DIP2C: variants seen among roughly 807,000 people sequenced by gnomAD.
DIP2C encodes the protein DIP2 acetate--CoA ligase C (putative).
DIP2C carries 33 observed loss-of-function variants against 192.4 expected under a neutral mutation model. The ratio of observed to expected loss-of-function variants is 0.17; its 90% CI spans 0.13 to 0.23. The LOEUF is 0.23. Ranked by LOEUF, DIP2C falls within the 10% of genes least tolerant of loss-of-function variation. DIP2C has a pLI of 1.00. For synonymous variants in DIP2C, 979 were observed against 864.1 expected, an observed-to-expected ratio of 1.13 and a Z score of -2.33; for missense variants, 1,537 against 2,110.1, an observed-to-expected ratio of 0.73 and a Z score of 5.32.
chr10:584,665 G>A (rs1269355139), intron 1 of DIP2C, among the ~76,000 whole-genome samples: 31 of 76,398 alleles, frequency 4.1e-4, no homozygotes, highest in African/African-American at 1.4e-3. Context: ...CTCGGGGCCC[G>A]CAACCTGACC....
intron 1 of DIP2C, among the ~76,000 whole-genome samples, chr10:514,256 T>G (rs915003171): frequency 6.6e-5 from 10 of 152,008 alleles, no homozygotes; most frequent in African/African-American, 2.2e-4. Context: ...ACACAGTGCA[T>G]TATCGACTCA....
chr10:563,498 T>A (rs1160279866), intron 1 of DIP2C, among the ~76,000 whole-genome samples: 1 of 152,312 alleles, frequency 6.6e-6, no homozygotes, highest in East Asian at 1.9e-4. Flanking sequence ...TAGCTAGGCA[T>A]ACAGTGTACG....
intron 6 of DIP2C, among the ~76,000 whole-genome samples, chr10:418,148 TG>T (rs1965907044): frequency 2.0e-5 from 1 of 49,134 alleles, no homozygotes; most frequent in Non-Finnish European, 3.5e-5. Context: ...CACCTGCACC[TG>T]TCAGAGCTCG....
chr10:397,385 C>T (rs1301558026), intron 10 of DIP2C, among the ~76,000 whole-genome samples: 2 of 152,180 alleles, frequency 1.3e-5, no homozygotes, highest in Admixed American at 1.3e-4. Flanking sequence ...CAAAAATTAG[C>T]CGGGTGTGGT....
chr10:435,020 G>A (rs1250753441), intron 4 of DIP2C, among the ~76,000 whole-genome samples: 4 of 152,138 alleles, frequency 2.6e-5, no homozygotes, highest in Non-Finnish European at 4.4e-5. Flanking sequence ...CTGAATCTAT[G>A]GTTTGGTGTC....
chr10:458,822 C>T (rs1191750116), intron 3 of DIP2C, among the ~76,000 whole-genome samples: 8 of 151,868 alleles, frequency 5.3e-5, no homozygotes, highest in African/African-American at 1.7e-4. Context: ...CCTGACTCAC[C>T]GGCAGGGCAC....
At chr10:618,398 T>C (rs916050526) in intron 1 of DIP2C, among the ~76,000 whole-genome samples, 9 of 152,214 alleles carry the variant, frequency 5.9e-5, no homozygotes, top group Non-Finnish European at 1.0e-4. Context: ...CCCAGGCCCC[T>C]GAGCCGGACG....
intron 1 of DIP2C, among the ~76,000 whole-genome samples, chr10:637,387 G>T (rs1018175292): frequency 6.6e-6 from 1 of 152,210 alleles, no homozygotes; most frequent in Non-Finnish European, 1.5e-5. Flanking sequence ...GGCTGGGCGG[G>T]GGCTGACAAG....
At chr10:509,010 T>C (rs1845828916) in intron 1 of DIP2C, among the ~76,000 whole-genome samples, 1 of 152,138 alleles carries the variant, frequency 6.6e-6, no homozygotes, top group African/African-American at 2.4e-5. Context: ...CTTCAGCCTG[T>C]CCTCGCTAGA....
chr10:414,739 G>GTGTGTGTGTGTGTATA lies in DIP2C; in HGVS notation c.860-630_860-629insTATACACACACACACA. Among the ~76,000 whole-genome samples, 16 of 90,538 alleles carry GTGTGTGTGTGTGTATA rather than the reference G, an allele frequency of 1.8e-4. 1 individual carries two copies. The highest frequency in any genetic ancestry group is 3.5e-4 in the Admixed American group (3 of 8,526). The allele number at this position is 90,538 out of a possible 152,430, so 59.4% of individuals were successfully genotyped here. A position where few individuals can be genotyped will look rare whatever the true frequency, so the allele number is the denominator to read the frequency against. On this transcript the variant is annotated intron_variant, in intron 7 of 36. Coordinates refer to ENST00000280886, the MANE Select transcript of DIP2C (RefSeq NM_014974.3). ...TGTGTGTGTGTGTGTGTGTGTGTGT[G>GTGTGTGTGTGTGTATA]TACATATATATATATATAATGTGTA...
chr10:408,568 A>T (rs1247917535), intron 9 of DIP2C, among the ~76,000 whole-genome samples: 1 of 152,200 alleles, frequency 6.6e-6, no homozygotes, highest in African/African-American at 2.4e-5. Context: ...TGATGTCTTT[A>T]TGTAATTCAC....
At chr10:382,841 G>GGCCGGGCGCGGTGGCTC in intron 16 of DIP2C, 80 bp from the exon 17 acceptor site, 1 of 1,033,166 alleles carries the variant, frequency 9.7e-7, no homozygotes, top group East Asian at 2.6e-5. Flanking sequence ...AAATAGTTCC[G>GGCCGGGCGCGGTGGCTC]AAGGTGGGAT....
At chr10:335,723 T>G (rs368171875) in intron 29 of DIP2C, among the ~76,000 whole-genome samples, 1 of 152,204 alleles carries the variant, frequency 6.6e-6, no homozygotes. Flanking sequence ...TCACCATCAC[T>G]GAGGTTTGCC....
Position 636,642 on chromosome 10 carries a change from T to C in DIP2C, c.85+52852A>G, listed in dbSNP as rs1854859672. 6.6e-6 allele frequency among the ~76,000 whole-genome samples: 1 copy of C among 152,250 alleles called. No homozygotes were observed. The highest frequency in any genetic ancestry group is 1.5e-5 in the Non-Finnish European group (1 of 68,044). ...TTCTCCCGAAAACGTCTTTTCTATCTGGGCCACACACTGCGCCGAGTGACT... is the reference window on the plus strand; with the variant it reads ...TTCTCCCGAAAACGTCTTTTCTATCCGGGCCACACACTGCGCCGAGTGACT... On this transcript the variant is annotated intron_variant, in intron 1 of 36. Coordinates refer to ENST00000280886, the MANE Select transcript of DIP2C (RefSeq NM_014974.3). This position sits in a 1 kb window ranked among gnomAD's most constrained non-coding sequence, Gnocchi z 4.6.
intron 1 of DIP2C, among the ~76,000 whole-genome samples, chr10:580,815 A>G (rs1402644168): frequency 1.3e-5 from 2 of 152,204 alleles, no homozygotes; most frequent in African/African-American, 2.4e-5. Context: ...TGACAAAAAC[A>G]CAGTGAGAAG....
intron 6 of DIP2C, among the ~76,000 whole-genome samples, chr10:416,752 C>T (rs1241588392): frequency 6.6e-6 from 1 of 152,142 alleles, no homozygotes; most frequent in Non-Finnish European, 1.5e-5. Context: ...GCTGATGCCA[C>T]AACTAGATCA....
chr10:607,465 A>G (rs1852577450), intron 1 of DIP2C, among the ~76,000 whole-genome samples: 1 of 152,192 alleles, frequency 6.6e-6, no homozygotes, highest in South Asian at 2.1e-4. Context: ...CTATAACATC[A>G]GAGACGTTAT....
intron 10 of DIP2C, among the ~76,000 whole-genome samples, chr10:395,072 G>A (rs1963866925): frequency 7.2e-6 from 1 of 139,042 alleles, no homozygotes; most frequent in African/African-American, 2.6e-5. Flanking sequence ...ATTTAGCAGT[G>A]AATAGAATGG....
At chr10:448,170 C>CT (rs1968460060) in intron 3 of DIP2C, among the ~76,000 whole-genome samples, 2 of 121,488 alleles carry the variant, frequency 1.6e-5, no homozygotes, top group Admixed American at 7.6e-5. Flanking sequence ...CGCTCACTCC[C>CT]GTCGATACTC....
Sources: allele counts gnomAD v4.1 joint callset (sites outside exome capture counted in the v4.1 genomes callset), GRCh38; gene constraint gnomAD v4.1.1; non-coding constraint Gnocchi (gnomAD v3.1); transcripts MANE v1.5; gene names NCBI Gene and HGNC (gene_info 2026-07-23, HGNC 2026-07-21).